FRRS1L: variants seen among roughly 807,000 people sequenced by gnomAD.
The protein encoded by FRRS1L is DOMON domain-containing protein FRRS1L.
Under a neutral mutation model 28.6 loss-of-function variants are expected in FRRS1L, and 22 were observed. The ratio of observed to expected loss-of-function variants is 0.77; its 90% confidence interval spans 0.55 to 1.10. FRRS1L has a LOEUF of 1.10. Among genes scored for constraint, FRRS1L ranks in the 50% least tolerant of loss-of-function variants. The pLI, the probability that FRRS1L is intolerant of heterozygous loss-of-function variation, is 0.00. For missense variants in FRRS1L, 380 were observed against 386.9 expected, an observed-to-expected ratio of 0.98 and a Z score of 0.15; for synonymous variants, 158 against 151.4, an observed-to-expected ratio of 1.04 and a Z score of -0.32.
intron 1 of FRRS1L, chr9:109,151,532 C>T (rs7869574): frequency 0.36 from 74,431 of 204,976 alleles, 14,098 homozygotes; most frequent in Middle Eastern, 0.43. Context: ...TGATGATCTG[C>T]CACTGTCTCC....
rs1232685321 is a variant in FRRS1L, at chr9:109,167,123, G to A, written c.16C>T (p.Arg6Trp). MARPP[R>W]QHPGVWASLL... ...GACGCCCAGACCCCCGGGTGCTGCC[G>A]GGGCGGCCGCGCCATCCGTGCGCAC... The change falls in exon 1 of 5, where the codon CGG becomes TGG. Residue 6 changes from arginine to tryptophan, a missense_variant. Arg to Trp is a moderately radical substitution (Grantham distance 101, BLOSUM62 -3). Transcript: ENST00000561981. 2 of 1,164,016 alleles carry A rather than the reference G, an allele frequency of 1.7e-6. No individual in the cohort carries two copies. Among genetic ancestry groups the A allele is most frequent in the South Asian group, 7.0e-5 (2 of 28,644 alleles). 72.1% of individuals were successfully genotyped at this position (1,164,016 alleles called of 1,614,324 possible).
At chr9:109,141,013 T>G (rs1831177975) in intron 4 of FRRS1L, 2 of 323,966 alleles carry the variant, frequency 6.2e-6, no homozygotes, top group Non-Finnish European at 1.2e-5. Flanking sequence ...AAGGACATGG[T>G]GAGGAGTAAA....
Position 109,137,581 on chromosome 9 carries a change from A to C in FRRS1L, c.756T>G (p.Arg252=). The C allele has an allele frequency of 6.2e-7, 1 of 1,612,202 alleles. No individual in the cohort carries two copies. Among genetic ancestry groups the C allele is most frequent in the Non-Finnish European group, 8.5e-7 (1 of 1,178,776 alleles). ...CTTCATACTTGTAAATACTGACAAC[A>C]CGCTCTGAAGCCGGCGGTGAGTCTA... The part of the protein sequence containing the change: ...HDIDSPPASE[R]VVSIYKYEDI... Residue 252 remains arginine (R), a synonymous_variant, in exon 5 of 5, where the codon CGT becomes CGG. Transcript: ENST00000561981.
intron 1 of FRRS1L, among the ~76,000 whole-genome samples, chr9:109,156,689 G>GTT (rs57521762): frequency 0.049 from 6,583 of 133,438 alleles, 205 homozygotes; most frequent in Non-Finnish European, 0.056. Flanking sequence ...GCACCTGGAT[G>GTT]TTTTTTTTTT....
intron 1 of FRRS1L, among the ~76,000 whole-genome samples, chr9:109,154,683 C>G (rs1368088876): frequency 6.6e-6 from 1 of 152,214 alleles, no homozygotes; most frequent in Non-Finnish European, 1.5e-5. Flanking sequence ...CCATCACTAA[C>G]TCCATTTTCT....
rs1831183453 is a variant in FRRS1L at position 109,141,393 on chromosome 9, T to C, written c.659A>G (p.Asp220Gly). ...CAGATAATACCAACTCAAATGCAGATCAACAATTGTTTCATCTCTGGGAAC... is the reference window on the plus strand; with the variant it reads ...CAGATAATACCAACTCAAATGCAGACCAACAATTGTTTCATCTCTGGGAAC... Reference protein sequence around the residue: ...VNVPRDETIVDLHLSWYYLFA... With the variant: ...VNVPRDETIVGLHLSWYYLFA... The change falls in exon 4 of 5, where the codon GAT becomes GGT. Residue 220 changes from aspartate (D) to glycine (G), a missense_variant. Coordinates refer to ENST00000561981, the MANE Select transcript of FRRS1L (RefSeq NM_014334.4). The C allele has an allele frequency of 1.2e-6, 2 of 1,614,044 alleles. No homozygotes were observed. Among genetic ancestry groups the C allele is most frequent in the African/African-American group, 1.3e-5 (1 of 74,928 alleles).
At chr9:109,166,514 C>G (rs540278065) in intron 1 of FRRS1L, among the ~76,000 whole-genome samples, 1 of 152,230 alleles carries the variant, frequency 6.6e-6, no homozygotes, top group Admixed American at 6.5e-5. Context: ...CCTAGCTGCC[C>G]TGGCCAGATG....
intron 1 of FRRS1L, among the ~76,000 whole-genome samples, chr9:109,157,211 C>T (rs996959102): frequency 1.3e-5 from 2 of 152,114 alleles, no homozygotes; most frequent in Non-Finnish European, 2.9e-5. Context: ...GCATTGTAAT[C>T]AGAAGACATC....
intron 1 of FRRS1L, among the ~76,000 whole-genome samples, chr9:109,166,504 C>G (rs572961082): frequency 1.1e-3 from 168 of 152,200 alleles, no homozygotes; most frequent in African/African-American, 3.9e-3. Flanking sequence ...TCTGCTTCCC[C>G]CTAGCTGCCC....
At chr9:109,138,766 G>C (rs997624427) in intron 4 of FRRS1L, 2 of 152,356 alleles carry the variant, frequency 1.3e-5, no homozygotes, top group African/African-American at 4.8e-5. Flanking sequence ...TCACCTGCAA[G>C]GGCTGCTCAA....
chr9:109,137,477 T>G lies in FRRS1L; in HGVS notation c.860A>C (p.Tyr287Ser). 1 of 1,610,420 alleles carries G rather than the reference T, an allele frequency of 6.2e-7. No homozygotes were observed. Among genetic ancestry groups the G allele is most frequent in the South Asian group, 1.1e-5 (1 of 90,430 alleles). The change falls in exon 5 of 5, where the codon TAC (tyrosine) becomes TCC (serine). Residue 287 changes from tyrosine (Y) to serine (S), a missense_variant. Tyr to Ser is a moderately radical substitution (Grantham distance 144, BLOSUM62 -2). Transcript: ENST00000561981. ...CLLLIVALTF[Y>S]LLMGTP ...TGGTTAGGGGGTTCCCATCAATAGG[T>G]AGAAGGTCAGAGCAACAATCAGAAG...
At chr9:109,150,641 G>A (rs1157451606) in intron 1 of FRRS1L, 1 of 150,740 alleles carries the variant, frequency 6.6e-6, no homozygotes, top group Non-Finnish European at 1.5e-5. Context: ...CCAACTTGTC[G>A]CTAAATTCTT....
At chr9:109,142,825 A>T (rs1051620560) in intron 3 of FRRS1L, among the ~76,000 whole-genome samples, 2 of 80,260 alleles carry the variant, frequency 2.5e-5, no homozygotes, top group Non-Finnish European at 5.4e-5. Context: ...AAAATAAAAA[A>T]AAAAATACAC....
intron 1 of FRRS1L, among the ~76,000 whole-genome samples, chr9:109,154,313 C>T (rs951409769): frequency 2.6e-5 from 4 of 152,092 alleles, no homozygotes; most frequent in East Asian, 3.9e-4. Flanking sequence ...CTTTTTGCTT[C>T]TCCAGTCCCG....
Position 109,132,687 on chromosome 9 carries a change from T to C in FRRS1L, c.*4768A>G, listed in dbSNP as rs945581432. Reference sequence around the variant, plus strand: ...ATAAGCAAACCCCGCCTGCTTCCTGTTTTTGTGCAGCCTGCAAGCTAAGAA... The same window carrying C: ...ATAAGCAAACCCCGCCTGCTTCCTGCTTTTGTGCAGCCTGCAAGCTAAGAA... On this transcript the variant is annotated 3_prime_UTR_variant, in exon 5 of 5. Transcript: ENST00000561981. 6.6e-6 allele frequency: 1 copy of C among 152,190 alleles called. No homozygotes were observed. Among genetic ancestry groups the C allele is most frequent in the Admixed American group, 6.5e-5 (1 of 15,274 alleles). 9.4% of individuals were successfully genotyped at this position (152,190 alleles called of 1,614,324 possible). A position where few individuals can be genotyped will look rare whatever the true frequency, so the allele number is the denominator to read the frequency against.
chr9:109,144,838 C>G (rs1490758805), intron 3 of FRRS1L, among the ~76,000 whole-genome samples: 1 of 151,908 alleles, frequency 6.6e-6, no homozygotes, highest in Non-Finnish European at 1.5e-5. Flanking sequence ...CGCCCGCCAC[C>G]ACACCCAGCT....
Position 109,131,990 on chromosome 9 carries a change from T to G in FRRS1L, c.*5465A>C, listed in dbSNP as rs974138007. On this transcript the variant is annotated 3_prime_UTR_variant, in exon 5 of 5. Coordinates refer to ENST00000561981, the MANE Select transcript of FRRS1L (RefSeq NM_014334.4). ...TTTATTTTATTTTATTTATTTATTT[T>G]TTAGACGGAGTCTTGCTCTGTTACC... The G allele has an allele frequency of 6.6e-6, 1 of 151,760 alleles. No individual in the cohort carries two copies. The highest frequency in any genetic ancestry group is 2.1e-4 in the South Asian group (1 of 4,824). 9.4% of individuals were successfully genotyped at this position (151,760 alleles called of 1,614,324 possible). A position where few individuals can be genotyped will look rare whatever the true frequency, so the allele number is the denominator to read the frequency against.
chr9:109,130,603 A>G lies in FRRS1L; in HGVS notation c.*6852T>C, dbSNP rs974492576. 2 of 152,248 alleles carry G rather than the reference A, an allele frequency of 1.3e-5. No homozygotes were observed. Among genetic ancestry groups the G allele is most frequent in the Admixed American group, 6.5e-5 (1 of 15,286 alleles). 9.4% of individuals were successfully genotyped at this position (152,248 alleles called of 1,614,324 possible). On this transcript the variant is annotated 3_prime_UTR_variant, in exon 5 of 5. Transcript: ENST00000561981. ...TCAAAATTAATCACAAACATTAGGT[A>G]CACAATTGTTATAAAACAAATATAA...
chr9:109,140,066 T>C (rs546316612), intron 4 of FRRS1L: 15 of 152,344 alleles, frequency 9.8e-5, no homozygotes, highest in Admixed American at 8.5e-4. Flanking sequence ...GGTCTCATGA[T>C]ATCCTTGGGT....
Sources: allele counts gnomAD v4.1 joint callset (sites outside exome capture counted in the v4.1 genomes callset), GRCh38; gene constraint gnomAD v4.1.1; transcripts MANE v1.5; gene names NCBI Gene and HGNC (gene_info 2026-07-23, HGNC 2026-07-21).